The following TULP4 variants were observed in gnomAD, a reference collection of about 807,000 sequenced individuals.
TULP4 encodes tubby-related protein 4.
TULP4 carries 16 observed loss-of-function variants against 129.0 expected under a neutral mutation model. The observed-to-expected ratio is 0.12, with a 90% CI of 0.08 to 0.19. The LOEUF is 0.19. Among genes scored for constraint, TULP4 ranks in the 10% least tolerant of loss-of-function variants. TULP4 has a pLI of 1.00. For missense variants in TULP4, 1,842 were observed against 2,059.1 expected, an observed-to-expected ratio of 0.89 and a Z score of 2.04; for synonymous variants, 998 against 854.0, an observed-to-expected ratio of 1.17 and a Z score of -2.94.
chr6:158,450,450 TACTC>T (rs964418215), intron 4 of TULP4, among the ~76,000 whole-genome samples: 2 of 152,200 alleles, frequency 1.3e-5, no homozygotes, highest in Non-Finnish European at 2.9e-5. Flanking sequence ...TGTACACACA[TACTC>T]ATTCATTTAT....
At chr6:158,265,310 T>C (rs1045889488) in intron 1 of TULP4, among the ~76,000 whole-genome samples, 4 of 152,168 alleles carry the variant, frequency 2.6e-5, no homozygotes, top group African/African-American at 9.7e-5. Flanking sequence ...TTTTATTTTA[T>C]GACAACTTTA....
intron 3 of TULP4, among the ~76,000 whole-genome samples, chr6:158,444,088 CGCA>C (rs1562568517): frequency 5.3e-5 from 8 of 151,762 alleles, no homozygotes; most frequent in Admixed American, 2.0e-4. Flanking sequence ...GGCGTGGTGG[CGCA>C]AGCCTGTAGT....
At chr6:158,410,611 T>C (rs1310791710) in intron 1 of TULP4, among the ~76,000 whole-genome samples, 1 of 152,248 alleles carries the variant, frequency 6.6e-6, no homozygotes, top group Non-Finnish European at 1.5e-5. Context: ...AGGGACCAAA[T>C]TGTAGCCACA....
At chr6:158,277,884 T>C (rs1433157297), upstream of TULP4, among the ~76,000 whole-genome samples, 1 of 152,194 alleles carries the variant, frequency 6.6e-6, no homozygotes, top group Admixed American at 6.5e-5. Context: ...CTTTGTGGTC[T>C]TTCTGGGCCA....
At chr6:158,443,953 C>A (rs947619584) in intron 3 of TULP4, among the ~76,000 whole-genome samples, 8 of 152,102 alleles carry the variant, frequency 5.3e-5, no homozygotes, top group Non-Finnish European at 1.2e-4. Context: ...GGTGCGGTGG[C>A]TCACGCCTGT....
chr6:158,312,338 G>A (rs1361003100), upstream of TULP4: 2 of 388,464 alleles, frequency 5.1e-6, no homozygotes, highest in African/African-American at 4.1e-5. Context: ...TTTCCATATG[G>A]TCTGCACGGG....
chr6:158,310,826 C>T (rs1014740510), upstream of TULP4, among the ~76,000 whole-genome samples: 1 of 152,140 alleles, frequency 6.6e-6, no homozygotes, highest in African/African-American at 2.4e-5. Context: ...CTTCAGTAGT[C>T]CACAGAAGTA....
intron 6 of TULP4, among the ~76,000 whole-genome samples, chr6:158,469,436 C>T (rs1427092105): frequency 6.6e-6 from 1 of 151,934 alleles, no homozygotes. Context: ...ACCACACTGG[C>T]TAATTTTTGT....
intron 1 of TULP4, among the ~76,000 whole-genome samples, chr6:158,351,728 T>G (rs942949623): frequency 1.5e-5 from 2 of 133,826 alleles, no homozygotes; most frequent in Non-Finnish European, 1.6e-5. Context: ...TTTTTTTTTT[T>G]TTTTTTTTGA....
At chr6:158,308,370 G>A (rs1478914009), upstream of TULP4, among the ~76,000 whole-genome samples, 1 of 151,976 alleles carries the variant, frequency 6.6e-6, no homozygotes, top group South Asian at 2.1e-4. Context: ...TCTTAGTACA[G>A]AACAAAATGA....
intron 1 of TULP4, among the ~76,000 whole-genome samples, chr6:158,328,079 GGTGTGTGTGTGTGTGTGTGTGTGTGTGT>G (rs766393090): frequency 8.3e-6 from 1 of 120,518 alleles, no homozygotes; most frequent in African/African-American, 3.2e-5. Flanking sequence ...TCTCAGAGCT[GGTGTGTGTGTGTGTGTGTGTGTGTGTGT>G]GTGTGTGTGT....
At chr6:158,292,817 A>G (rs1778968188) in intron 1 of TULP4, among the ~76,000 whole-genome samples, 1 of 152,212 alleles carries the variant, frequency 6.6e-6, no homozygotes. Context: ...TTGATGAATC[A>G]AAAGGTTTTG....
chr6:158,410,618 C>T (rs982762112), intron 1 of TULP4, among the ~76,000 whole-genome samples: 3 of 152,096 alleles, frequency 2.0e-5, no homozygotes, highest in African/African-American at 7.2e-5. Context: ...AAATTGTAGC[C>T]ACATGCACAT....
intron 1 of TULP4, among the ~76,000 whole-genome samples, chr6:158,301,350 G>C (rs565173569): frequency 5.3e-5 from 8 of 151,796 alleles, no homozygotes; most frequent in Admixed American, 5.3e-4. Context: ...CTGATCTTTG[G>C]TCAATCAAGT....
At chr6:158,241,619 G>A (rs1158507048) in intron 1 of TULP4, among the ~76,000 whole-genome samples, 3 of 151,858 alleles carry the variant, frequency 2.0e-5, no homozygotes, top group African/African-American at 4.8e-5. Flanking sequence ...TTTTGAGATG[G>A]TGTCTCGCTC....
Position 158,439,700 on chromosome 6 carries a change from C to CTTTTTTT in TULP4, c.544-9273_544-9267dup, listed in dbSNP as rs71030170. 1.8e-3 allele frequency among the ~76,000 whole-genome samples: 125 copies of CTTTTTTT among 68,250 alleles called. 16 individuals are homozygous for CTTTTTTT. The highest frequency in any genetic ancestry group is 2.2e-3 in the African/African-American group (36 of 16,744). 44.8% of individuals were successfully genotyped at this position (68,250 alleles called of 152,430 possible). A position where few individuals can be genotyped will look rare whatever the true frequency, so the allele number is the denominator to read the frequency against. On this transcript the variant is annotated intron_variant, in intron 3 of 13. Transcript: ENST00000367097. ...CATGTAAGCTCTTGTACTAGAGTTTCTTTTTTTTTTTTTTTTTTTTTTTTT... is the reference window on the plus strand; with the variant it reads ...CATGTAAGCTCTTGTACTAGAGTTTCTTTTTTTTTTTTTTTTTTTTTTTTTTTTTTTT...
chr6:158,352,824 C>A (rs533070460), intron 1 of TULP4, among the ~76,000 whole-genome samples: 1 of 152,264 alleles, frequency 6.6e-6, no homozygotes, highest in Admixed American at 6.5e-5. Context: ...TTTAATCACA[C>A]CCTCTGTATC....
chr6:158,278,737 A>G (rs902571518), upstream of TULP4, among the ~76,000 whole-genome samples: 5 of 151,904 alleles, frequency 3.3e-5, no homozygotes, highest in South Asian at 2.1e-4. Context: ...TGATTCTGAT[A>G]TTTTTCCCCT....
chr6:158,445,519 C>T (rs540086824), intron 3 of TULP4, among the ~76,000 whole-genome samples: 1 of 152,252 alleles, frequency 6.6e-6, no homozygotes, highest in African/African-American at 2.4e-5. Context: ...TGCAGACCTG[C>T]CCTTGAGATG....
Sources: gnomAD v4.1 joint callset for allele counts (sites outside exome capture counted in the v4.1 genomes callset) on GRCh38, gnomAD v4.1.1 for gene constraint, MANE v1.5 for transcripts, NCBI Gene and HGNC (gene_info 2026-07-23, HGNC 2026-07-21) for gene names.